The following LRP1B variants were observed in gnomAD, a reference collection of about 807,000 sequenced individuals.
LRP1B encodes low-density lipoprotein receptor-related protein 1B.
A neutral mutation model predicts 556.6 loss-of-function variants in LRP1B; 217 were observed. The observed-to-expected ratio is 0.39, with a 90% confidence interval of 0.35 to 0.44. The LOEUF is 0.44. Among genes scored for constraint, LRP1B ranks in the 20% least tolerant of loss-of-function variants. LRP1B has a pLI of 1.00. For synonymous variants in LRP1B, 2,047 were observed against 1,865.8 expected, an observed-to-expected ratio of 1.10 and a Z score of -2.50; for missense variants, 5,053 against 5,620.8, an observed-to-expected ratio of 0.90 and a Z score of 3.23.
intron 2 of LRP1B, among the ~76,000 whole-genome samples, chr2:141,510,419 CA>C (rs1358690542): frequency 6.6e-6 from 1 of 152,060 alleles, no homozygotes; most frequent in Non-Finnish European, 1.5e-5. Context: ...CCAATCTCAG[CA>C]AAACAATGAT....
chr2:141,307,815 G>A (rs1189782100), intron 3 of LRP1B, among the ~76,000 whole-genome samples: 4 of 152,126 alleles, frequency 2.6e-5, no homozygotes, highest in South Asian at 2.1e-4. Context: ...ATAGGTTGTC[G>A]AGGTGCTGGC....
At chr2:141,936,364 T>A (rs902086311) in intron 1 of LRP1B, among the ~76,000 whole-genome samples, 2 of 152,164 alleles carry the variant, frequency 1.3e-5, no homozygotes, top group African/African-American at 4.8e-5. Flanking sequence ...ATAAATATGA[T>A]AGTTTACCAG....
intron 1 of LRP1B, among the ~76,000 whole-genome samples, chr2:142,103,264 T>A (rs958497337): frequency 1.4e-4 from 22 of 152,064 alleles, no homozygotes; most frequent in African/African-American, 5.3e-4. Context: ...TGTAAATTAA[T>A]TTAGTAAATT....
chr2:141,893,583 C>T (rs1302206700), intron 1 of LRP1B, among the ~76,000 whole-genome samples: 1 of 152,024 alleles, frequency 6.6e-6, no homozygotes, highest in Non-Finnish European at 1.5e-5. Flanking sequence ...AATGCCTGAG[C>T]TAAGAAGGCA....
At chr2:140,237,490 T>G (rs1335540322) in intron 89 of LRP1B, among the ~76,000 whole-genome samples, 6 of 150,860 alleles carry the variant, frequency 4.0e-5, no homozygotes, top group Non-Finnish European at 5.9e-5. Context: ...CTACTTATTA[T>G]GTATCAATTA....
At chr2:141,035,467 G>A (rs1698505735) in intron 11 of LRP1B, among the ~76,000 whole-genome samples, 2 of 151,714 alleles carry the variant, frequency 1.3e-5, no homozygotes, top group African/African-American at 4.8e-5. Context: ...TTATTATTTG[G>A]CAGATGCATC....
At chr2:140,667,947 A>G (rs1685337303) in intron 41 of LRP1B, among the ~76,000 whole-genome samples, 1 of 152,218 alleles carries the variant, frequency 6.6e-6, no homozygotes, top group South Asian at 2.1e-4. Context: ...GTAGAAACTC[A>G]AAAGGTATTT....
chr2:141,043,353 ACT>A (rs1315254138), intron 11 of LRP1B, among the ~76,000 whole-genome samples: 14 of 152,014 alleles, frequency 9.2e-5, no homozygotes, highest in African/African-American at 3.4e-4. Context: ...ATGACTTACG[ACT>A]TGAAGTAGAT....
intron 77 of LRP1B, among the ~76,000 whole-genome samples, chr2:140,340,466 G>A (rs1422668311): frequency 6.6e-6 from 1 of 151,368 alleles, no homozygotes; most frequent in East Asian, 2.0e-4. Flanking sequence ...TAATTTGTTG[G>A]TGCTTGGGGT....
chr2:141,852,345 T>C (rs1697894079), intron 1 of LRP1B, among the ~76,000 whole-genome samples: 2 of 151,852 alleles, frequency 1.3e-5, no homozygotes, highest in Non-Finnish European at 3.0e-5. Context: ...ATAGTCAACA[T>C]TTATTGGGTG....
chr2:140,737,956 C>T (rs991033081), intron 35 of LRP1B, among the ~76,000 whole-genome samples: 7 of 152,156 alleles, frequency 4.6e-5, no homozygotes, highest in African/African-American at 1.4e-4. Flanking sequence ...CTGATCCATG[C>T]ACTTTTTCCA....
intron 3 of LRP1B, among the ~76,000 whole-genome samples, chr2:141,404,707 A>G (rs1690568449): frequency 6.6e-6 from 1 of 152,164 alleles, no homozygotes; most frequent in African/African-American, 2.4e-5. Context: ...ATCAGTTCCT[A>G]TCGTTATACT....
chr2:142,088,134 G>GA (rs974733666), intron 1 of LRP1B, among the ~76,000 whole-genome samples: 1 of 151,762 alleles, frequency 6.6e-6, no homozygotes, highest in African/African-American at 2.4e-5. Context: ...TGTTTCCATT[G>GA]AAAAATAACT....
intron 21 of LRP1B, among the ~76,000 whole-genome samples, chr2:140,922,131 C>T (rs1338148883): frequency 2.6e-5 from 4 of 152,104 alleles, no homozygotes; most frequent in African/African-American, 7.2e-5. Context: ...TCGTAATCTA[C>T]TTTTCTCTAA....
intron 2 of LRP1B, among the ~76,000 whole-genome samples, chr2:141,510,905 CACA>C (rs1488290648): frequency 3.6e-4 from 16 of 44,908 alleles, no homozygotes; most frequent in Middle Eastern, 0.011. Context: ...CACACACACA[CACA>C]CCCCACACAA....
intron 2 of LRP1B, among the ~76,000 whole-genome samples, chr2:141,807,981 T>C (rs1199464727): frequency 6.6e-6 from 1 of 151,820 alleles, no homozygotes; most frequent in East Asian, 1.9e-4. Flanking sequence ...CATTGAGAGG[T>C]CTCTTTTCTC....
chr2:141,211,443 A>G (rs1187135143), intron 6 of LRP1B, among the ~76,000 whole-genome samples: 3 of 151,942 alleles, frequency 2.0e-5, no homozygotes, highest in African/African-American at 7.2e-5. Context: ...AACATGGTGA[A>G]AACCCACCTC....
At chr2:140,275,866 T>C (rs752602590) in intron 84 of LRP1B, among the ~76,000 whole-genome samples, 6 of 151,946 alleles carry the variant, frequency 3.9e-5, no homozygotes, top group Non-Finnish European at 8.8e-5. Flanking sequence ...CCCTTGAACA[T>C]GCATAATGAA....
chr2:141,856,647 C>G (rs987415996), intron 1 of LRP1B, among the ~76,000 whole-genome samples: 2 of 151,968 alleles, frequency 1.3e-5, no homozygotes, highest in African/African-American at 2.4e-5. Flanking sequence ...ATGTGAAAAC[C>G]CAGAGGTATA....
Sources: gnomAD v4.1 joint callset for allele counts (sites outside exome capture counted in the v4.1 genomes callset) on GRCh38, gnomAD v4.1.1 for gene constraint, MANE v1.5 for transcripts, NCBI Gene and HGNC (gene_info 2026-07-23, HGNC 2026-07-21) for gene names.